FBXL5: variants seen among roughly 807,000 people sequenced by gnomAD.
FBXL5 encodes F-box and leucine rich repeat protein 5.
FBXL5 carries 26 observed loss-of-function variants against 78.3 expected under a neutral mutation model. That is an observed-to-expected ratio of 0.33 (90% CI 0.24 to 0.46). The LOEUF is 0.46. Ranked by LOEUF, FBXL5 falls within the 20% of genes least tolerant of loss-of-function variation. The pLI, the probability that FBXL5 is intolerant of heterozygous loss-of-function variation, is 1.00. For missense variants in FBXL5, 710 were observed against 829.2 expected (o/e 0.86, Z 1.77); for synonymous variants, 295 against 282.5 (o/e 1.04, Z -0.45).
chr4:15,657,079 C>A (rs181844350), upstream of FBXL5, among the ~76,000 whole-genome samples: 2 of 152,288 alleles, frequency 1.3e-5, no homozygotes, highest in East Asian at 3.9e-4. Flanking sequence ...TCTCTTCCTC[C>A]TTCTCCCTTT....
At chr4:15,634,771 G>T (rs1385441824) in intron 5 of FBXL5, among the ~76,000 whole-genome samples, 2 of 152,054 alleles carry the variant, frequency 1.3e-5, no homozygotes, top group African/African-American at 4.8e-5. Context: ...GTATATTTGA[G>T]ATTTAGGTGA....
chr4:15,679,766 T>TAA (rs553579071), intron 1 of FBXL5, among the ~76,000 whole-genome samples: 17 of 142,862 alleles, frequency 1.2e-4, no homozygotes, highest in Admixed American at 2.8e-4. Flanking sequence ...CCAATCCCCC[T>TAA]AAAAAAAAAA....
In FBXL5 at chr4:15,635,740, C is replaced by T. The variant is rs533167474; in HGVS notation, c.766+754G>A. On this transcript the variant is annotated intron_variant, in intron 5 of 10. Transcript: ENST00000341285. ...TGCACTCTTGCCTGGGCAACATGAG[C>T]GAAACTCTGCCTCAAAAAAAGAAAA... 1.1e-4 allele frequency among the ~76,000 whole-genome samples: 15 copies of T among 131,918 alleles called. 1 individual carries two copies. Among genetic ancestry groups the T allele is most frequent in the African/African-American group, 2.6e-4 (9 of 35,158 alleles). 86.5% of individuals were successfully genotyped at this position (131,918 alleles called of 152,430 possible). A position where few individuals can be genotyped will look rare whatever the true frequency, so the allele number is the denominator to read the frequency against.
chr4:15,659,734 C>T, upstream of FBXL5: 1 of 985,060 alleles, frequency 1.0e-6, no homozygotes, highest in Non-Finnish European at 1.2e-6. Flanking sequence ...TACCTTGCGT[C>T]ATTTACCTCT....
intron 1 of FBXL5, among the ~76,000 whole-genome samples, chr4:15,651,563 T>A (rs1716048686): frequency 2.6e-5 from 4 of 152,202 alleles, no homozygotes; most frequent in Admixed American, 2.6e-4. Flanking sequence ...AATAAATTGT[T>A]ACAGGTATGC....
chr4:15,656,813 C>T (rs764833412), upstream of FBXL5, among the ~76,000 whole-genome samples: 2 of 152,026 alleles, frequency 1.3e-5, 1 homozygote. Context: ...CGTCTGTAAG[C>T]TAGTAATACT....
At chr4:15,657,983 A>G (rs370903712), upstream of FBXL5, among the ~76,000 whole-genome samples, 6 of 152,224 alleles carry the variant, frequency 3.9e-5, no homozygotes, top group African/African-American at 1.4e-4. Flanking sequence ...GTGAAAACCC[A>G]CATTGTAGAA....
intron 7 of FBXL5, 138 bp from the exon 8 acceptor site, chr4:15,627,093 T>G (rs1713136682): frequency 2.2e-6 from 1 of 462,636 alleles, no homozygotes; most frequent in African/African-American, 2.1e-5. Context: ...TTGAAAAAAG[T>G]ATAATAAAAT....
At chr4:15,676,964 T>G (rs1033142277) in intron 1 of FBXL5, among the ~76,000 whole-genome samples, 2 of 152,192 alleles carry the variant, frequency 1.3e-5, no homozygotes, top group Admixed American at 6.5e-5. Flanking sequence ...TAACAAATGA[T>G]ATGTTCTATA....
At chr4:15,628,907 T>C (rs7693111) in intron 6 of FBXL5, among the ~76,000 whole-genome samples, 1,624 of 152,174 alleles carry the variant, frequency 0.011, 24 homozygotes, top group African/African-American at 0.036. Flanking sequence ...TCTAAATGTA[T>C]ACTATTTACT....
chr4:15,653,439 GTAAAT>G (rs957568085), intron 1 of FBXL5, among the ~76,000 whole-genome samples: 1 of 152,170 alleles, frequency 6.6e-6, no homozygotes, highest in African/African-American at 2.4e-5. Flanking sequence ...TAGTCTGCAA[GTAAAT>G]TAAATTGTGA....
intron 1 of FBXL5, among the ~76,000 whole-genome samples, chr4:15,674,203 TG>T (rs1179666324): frequency 1.5e-5 from 2 of 131,504 alleles, no homozygotes; most frequent in African/African-American, 2.9e-5. Flanking sequence ...AAATGCATCG[TG>T]TTTTTTTTTT....
At chr4:15,616,884 G>A (rs1400599749) in intron 9 of FBXL5, among the ~76,000 whole-genome samples, 1 of 152,154 alleles carries the variant, frequency 6.6e-6, no homozygotes, top group Non-Finnish European at 1.5e-5. Flanking sequence ...TCACACTTTG[G>A]GCACTCAGTT....
chr4:15,605,820 G>C, intron 10 of FBXL5, 21 bp from the exon 11 acceptor site: 2 of 1,583,616 alleles, frequency 1.3e-6, no homozygotes, highest in Non-Finnish European at 1.7e-6. Flanking sequence ...ACAGAAAAAT[G>C]TGAAAGGAGG....
intron 7 of FBXL5, 54 bp downstream of exon 7, chr4:15,627,831 A>G: frequency 1.9e-6 from 3 of 1,549,218 alleles, no homozygotes; most frequent in Non-Finnish European, 2.6e-6. Flanking sequence ...AGCAAACCAA[A>G]CTCTTATCAT....
intron 6 of FBXL5, 129 bp from the exon 7 acceptor site, chr4:15,628,162 A>C (rs1713256116): frequency 1.1e-6 from 1 of 885,184 alleles, no homozygotes; most frequent in Admixed American, 3.4e-5. Flanking sequence ...AAACCATCCC[A>C]TTTTTAGGCA....
At position 15,629,310 on chromosome 4, in the gene FBXL5, G is replaced by A. The variant is rs184066243; in HGVS notation, c.893-1277C>T. 7.4e-4 allele frequency among the ~76,000 whole-genome samples: 112 copies of A among 152,006 alleles called. 1 individual carries two copies. In the East Asian group the frequency reaches 0.02, roughly 28 times the overall value. ...GAGAACCTTCAACATTCTTACCACG[G>A]GTATTATGAATTAATTTTCTAGAAT... On this transcript the variant is annotated intron_variant, in intron 6 of 10. Coordinates refer to ENST00000341285, the MANE Select transcript of FBXL5 (RefSeq NM_012161.4).
At chr4:15,671,254 TTC>T (rs775081034) in intron 1 of FBXL5, among the ~76,000 whole-genome samples, 5 of 151,908 alleles carry the variant, frequency 3.3e-5, no homozygotes, top group African/African-American at 9.7e-5. Context: ...GACAGGGTTT[TTC>T]TCTGTTTGGT....
At chr4:15,662,289 T>C (rs1008302336), upstream of FBXL5, among the ~76,000 whole-genome samples, 36 of 152,184 alleles carry the variant, frequency 2.4e-4, no homozygotes, top group African/African-American at 8.2e-4. Context: ...CTACCAACTC[T>C]AGAGGGTAGT....
Sources: allele counts gnomAD v4.1 joint callset (sites outside exome capture counted in the v4.1 genomes callset), GRCh38; gene constraint gnomAD v4.1.1; transcripts MANE v1.5; gene names NCBI Gene and HGNC (gene_info 2026-07-23, HGNC 2026-07-21).